GFM1: variants seen among roughly 807,000 people sequenced by gnomAD.
GFM1 encodes elongation factor G, mitochondrial.
A neutral mutation model predicts 96.2 loss-of-function variants in GFM1; 62 were observed. The observed-to-expected ratio is 0.64, with a 90% CI of 0.53 to 0.80. GFM1 has a LOEUF of 0.80. Ranked by LOEUF, GFM1 falls within the 30% of genes least tolerant of loss-of-function variation. The pLI, the probability that GFM1 is intolerant of heterozygous loss-of-function variation, is 0.00. For missense variants in GFM1, 852 were observed against 916.6 expected (o/e 0.93, Z 0.91); for synonymous variants, 282 against 312.9 (o/e 0.90, Z 1.04).
intron 17 of GFM1, 21 bp downstream of exon 17, chr3:158,691,213 C>T: frequency 6.2e-7 from 1 of 1,607,442 alleles, no homozygotes; most frequent in Non-Finnish European, 8.5e-7. Flanking sequence ...TTAAACTTAC[C>T]CTTCAAAAGA....
intron 13 of GFM1, chr3:158,672,369 A>T (rs1472691746): frequency 5.0e-6 from 8 of 1,613,594 alleles, no homozygotes; most frequent in Middle Eastern, 1.6e-4. Context: ...GGCTTGTTTG[A>T]CCTTCTGCAC....
chr3:158,682,300 A>G (rs1225672267), intron 14 of GFM1, 143 bp downstream of exon 14: 4 of 701,438 alleles, frequency 5.7e-6, no homozygotes, highest in Non-Finnish European at 1.0e-5. Context: ...TAAGCTTTCC[A>G]TCTGATTTAG....
intron 13 of GFM1, among the ~76,000 whole-genome samples, chr3:158,670,737 T>C (rs983887268): frequency 2.6e-5 from 4 of 152,136 alleles, no homozygotes; most frequent in African/African-American, 9.7e-5. Flanking sequence ...TAGCTCATGC[T>C]TGTAATCCTA....
intron 11 of GFM1, among the ~76,000 whole-genome samples, chr3:158,664,405 C>T (rs1723445910): frequency 6.6e-6 from 1 of 152,196 alleles, no homozygotes; most frequent in Admixed American, 6.5e-5. Flanking sequence ...AGGTTATTGG[C>T]AGTATTCAAT....
chr3:158,664,890 A>C (rs750931167), intron 11 of GFM1, among the ~76,000 whole-genome samples: 2 of 152,218 alleles, frequency 1.3e-5, no homozygotes, highest in African/African-American at 4.8e-5. Flanking sequence ...GAAAGGGACA[A>C]GTCTCATCGT....
chr3:158,645,844 A>G, intron 2 of GFM1, 63 bp downstream of exon 2: 1 of 1,379,480 alleles, frequency 7.2e-7, no homozygotes. Flanking sequence ...TGTTGCTATT[A>G]TTTAATAAAG....
At position 158,684,652 on chromosome 3, in the gene GFM1, A is replaced by C. The variant is rs749437754; in HGVS notation, c.1893A>C (p.Glu631Asp). ...AAATCTCTTTCATCCGAGCAGGAGA[A>C]GGTGCTCTTAAACAAGGTATGCTGG... ...SNEISFIRAG[E>D]GALKQALANA... is the part of the protein sequence containing the mutation. Residue 631 changes from glutamate (E) to aspartate (D), a missense_variant, in exon 15 of 18, where the codon GAA becomes GAC. Physicochemically the swap from Glu to Asp is conservative, Grantham distance 45. Coordinates refer to ENST00000486715, the MANE Select transcript of GFM1 (RefSeq NM_024996.7). The C allele has an allele frequency of 1.9e-6, 3 of 1,614,110 alleles. No homozygotes were observed. Among genetic ancestry groups the C allele is most frequent in the Admixed American group, 3.3e-5 (2 of 59,998 alleles).
chr3:158,651,136 G>A (rs1722269341), intron 5 of GFM1: 1 of 149,580 alleles, frequency 6.7e-6, no homozygotes, highest in Non-Finnish European at 1.5e-5. Context: ...AATTTTACCT[G>A]TTCAACCTCT....
Position 158,684,602 on chromosome 3 carries a change from G to C in GFM1, c.1843G>C (p.Ala615Pro). 6.2e-7 allele frequency: 1 copy of C among 1,614,108 alleles called. No individual in the cohort carries two copies. The highest frequency in any genetic ancestry group is 8.5e-7 in the Non-Finnish European group (1 of 1,179,986). The change falls in exon 15 of 18, where the codon GCA becomes CCA. Residue 615 changes from alanine to proline, a missense_variant. Transcript: ENST00000486715. The stretch of plus-strand genomic sequence containing the variant: ...GCTCCGGTTTGTCCTGCAAGATGGA[G>C]CACACCACATGGTTGATTCTAATGA... ...SGLRFVLQDG[A>P]HHMVDSNEIS...
At chr3:158,653,927 C>T (rs554346412) in intron 7 of GFM1, among the ~76,000 whole-genome samples, 116 of 152,094 alleles carry the variant, frequency 7.6e-4, no homozygotes, top group African/African-American at 2.7e-3. Context: ...GGAAATTAGC[C>T]GGGTGTGGTG....
At chr3:158,655,257 G>A (rs992664193) in intron 8 of GFM1, among the ~76,000 whole-genome samples, 51 of 152,012 alleles carry the variant, frequency 3.4e-4, no homozygotes, top group Admixed American at 3.3e-3. Context: ...AGGCCAAGGC[G>A]GGCGGATCAC....
rs1197042970 is a variant in GFM1, at chr3:158,644,609, A to G, written c.-26A>G. 1 of 1,555,308 alleles carries G rather than the reference A, an allele frequency of 6.4e-7. No individual in the cohort carries two copies. Among genetic ancestry groups the G allele is most frequent in the East Asian group, 2.4e-5 (1 of 41,806 alleles). ...AGCTGAACCCACCCGGCGCCACGGG[A>G]CTTTGACGCGTGCTCTGCGCTTGCC... is the stretch of plus-strand genomic sequence containing the variant. On this transcript the variant is annotated 5_prime_UTR_variant, in exon 1 of 18. Transcript: ENST00000486715.
chr3:158,646,620 T>C (rs1721825616), intron 3 of GFM1, 123 bp from the exon 4 acceptor site: 3 of 919,118 alleles, frequency 3.3e-6, no homozygotes, highest in African/African-American at 3.3e-5. Context: ...ATTGGTGAGC[T>C]CAGGAATCTA....
At chr3:158,675,057 C>T (rs1277117799) in intron 13 of GFM1, among the ~76,000 whole-genome samples, 3 of 151,942 alleles carry the variant, frequency 2.0e-5, no homozygotes, top group African/African-American at 2.4e-5. Flanking sequence ...GGGAGGCCAA[C>T]GCAGGTGGGT....
At position 158,666,597 on chromosome 3, in the gene GFM1, G is replaced by C. The variant is rs775795446; in HGVS notation, c.1601+211G>C. 2.7e-6 allele frequency: 4 copies of C among 1,503,630 alleles called. No individual in the cohort carries two copies. In the Admixed American group the frequency reaches 6.8e-5, roughly 26 times the overall value. 93.1% of individuals were successfully genotyped at this position (1,503,630 alleles called of 1,614,324 possible). ...CATAAGCTAGATGCCAGTGAAATTG[G>C]CATACACATCAATAGACATGTTTAC... is the stretch of plus-strand genomic sequence containing the variant. On this transcript the variant is annotated intron_variant, in intron 13 of 17. Transcript: ENST00000486715.
rs1457495314 is a variant in GFM1, at chr3:158,650,043, G to A, written c.689+886G>A. On this transcript the variant is annotated intron_variant, in intron 5 of 17. Transcript: ENST00000486715. Reference sequence around the variant, plus strand: ...GATTTCCTTCCTCTGCTATGGAATTGGGATCGCAGGTCTGGCAGGTGGGCG... The same window carrying A: ...GATTTCCTTCCTCTGCTATGGAATTAGGATCGCAGGTCTGGCAGGTGGGCG... 2.6e-6 allele frequency: 4 copies of A among 1,535,966 alleles called. No individual in the cohort carries two copies. In the South Asian group the frequency reaches 4.8e-5, roughly 18 times the overall value.
chr3:158,657,407 T>G (rs879081845), intron 8 of GFM1: 1 of 152,174 alleles, frequency 6.6e-6, no homozygotes, highest in East Asian at 1.9e-4. Flanking sequence ...TATTGGATTA[T>G]TTCAATGAAT....
In GFM1 at chr3:158,690,141, CTTT is replaced by C. The variant is rs34920045; in HGVS notation, c.1910-10_1910-8del. On this transcript the variant is annotated intron_variant, in intron 15 of 17. Transcript: ENST00000486715. ...TGTAGTTTGTATGAAGACTAATGAA[CTTT>C]TTTTTTTTTTTAACCCAGCCTTGGC... The C allele has an allele frequency of 1.1e-4, 154 of 1,398,124 alleles. No homozygotes were observed. Among genetic ancestry groups the C allele is most frequent in the Middle Eastern group, 4.0e-4 (2 of 5,062 alleles). 86.6% of individuals were successfully genotyped at this position (1,398,124 alleles called of 1,614,324 possible). A position where few individuals can be genotyped will look rare whatever the true frequency, so the allele number is the denominator to read the frequency against.
chr3:158,682,316 C>CT, intron 14 of GFM1, 159 bp downstream of exon 14: 2 of 640,230 alleles, frequency 3.1e-6, no homozygotes, highest in Non-Finnish European at 5.6e-6. Flanking sequence ...TTTAGAATCT[C>CT]TAATTCATTA....
Sources: gnomAD v4.1 joint callset for allele counts (sites outside exome capture counted in the v4.1 genomes callset) on GRCh38, gnomAD v4.1.1 for gene constraint, MANE v1.5 for transcripts, NCBI Gene and HGNC (gene_info 2026-07-23, HGNC 2026-07-21) for gene names.